ADGRL2: variants seen among roughly 807,000 people sequenced by gnomAD.
ADGRL2 encodes adhesion G protein-coupled receptor L2.
A neutral mutation model predicts 157.4 loss-of-function variants in ADGRL2; 44 were observed. That is an observed-to-expected ratio of 0.28 (90% CI 0.22 to 0.36). The LOEUF is 0.36. Among genes scored for constraint, ADGRL2 ranks in the 10% least tolerant of loss-of-function variants. ADGRL2 has a pLI of 1.00. For missense variants in ADGRL2, 1,510 were observed against 1,768.9 expected (o/e 0.85, Z 2.63); for synonymous variants, 585 against 624.7 (o/e 0.94, Z 0.95).
intron 1 of ADGRL2, among the ~76,000 whole-genome samples, chr1:81,371,802 A>G (rs2076164836): frequency 6.6e-6 from 1 of 152,236 alleles, no homozygotes; most frequent in South Asian, 2.1e-4. Flanking sequence ...CCATTCATTC[A>G]TTATTCAATA....
intron 2 of ADGRL2, among the ~76,000 whole-genome samples, chr1:81,869,992 G>A (rs932757682): frequency 6.6e-6 from 1 of 151,660 alleles, no homozygotes; most frequent in African/African-American, 2.4e-5. Context: ...TTAAAAAGTA[G>A]GAAATGCACA....
At chr1:81,594,977 C>T (rs561761558) in intron 3 of ADGRL2, among the ~76,000 whole-genome samples, 2 of 152,298 alleles carry the variant, frequency 1.3e-5, no homozygotes, top group African/African-American at 4.8e-5. Flanking sequence ...AATCACCAAA[C>T]ACTTATTGAG....
At chr1:81,710,118 C>G (rs2083874603) in intron 1 of ADGRL2, among the ~76,000 whole-genome samples, 1 of 152,054 alleles carries the variant, frequency 6.6e-6, no homozygotes, top group African/African-American at 2.4e-5. Flanking sequence ...TATTGCATAT[C>G]AAGATATTTT....
chr1:81,622,068 A>G (rs2081803837), intron 3 of ADGRL2, among the ~76,000 whole-genome samples: 1 of 152,216 alleles, frequency 6.6e-6, no homozygotes, highest in Admixed American at 6.5e-5. Context: ...TAGAGGAATA[A>G]AACTGTGGAT....
At chr1:81,385,047 G>A (rs1040132121) in intron 1 of ADGRL2, among the ~76,000 whole-genome samples, 49 of 152,076 alleles carry the variant, frequency 3.2e-4, no homozygotes, top group African/African-American at 1.1e-3. Flanking sequence ...TACATACGTT[G>A]CCTGTACTCA....
chr1:81,485,759 A>C (rs989533707), intron 2 of ADGRL2, among the ~76,000 whole-genome samples: 3 of 152,152 alleles, frequency 2.0e-5, no homozygotes, highest in Non-Finnish European at 4.4e-5. Flanking sequence ...ACATTTAGAA[A>C]AGAGAGAGCC....
At chr1:81,769,840 A>G (rs923638742) in intron 2 of ADGRL2, among the ~76,000 whole-genome samples, 46 of 151,832 alleles carry the variant, frequency 3.0e-4, no homozygotes, top group African/African-American at 1.1e-3. Context: ...TTAGATTTTC[A>G]GTAATGTTTT....
chr1:81,991,050 A>G lies in ADGRL2; in HGVS notation c.4315A>G (p.Asn1439Asp). Reference sequence around the variant, plus strand: ...GATGTGCTACCAGATCAGCAGGGGCAATAGTGATGGTTATATAATCCCCAT... The same window carrying G: ...GATGTGCTACCAGATCAGCAGGGGCGATAGTGATGGTTATATAATCCCCAT... ...LQMCYQISRG[N>D]SDGYIIPINK... is the part of the protein sequence containing the mutation. Residue 1439 changes from asparagine (N) to aspartate (D), a missense_variant, in exon 24 of 24, where the codon AAT (asparagine) becomes GAT (aspartate). Transcript: ENST00000686636. The G allele has an allele frequency of 6.2e-7, 1 of 1,613,928 alleles. No individual in the cohort carries two copies. The highest frequency in any genetic ancestry group is 8.5e-7 in the Non-Finnish European group (1 of 1,179,968).
chr1:81,795,344 C>T (rs957438410), intron 2 of ADGRL2, among the ~76,000 whole-genome samples: 1 of 152,120 alleles, frequency 6.6e-6, no homozygotes, highest in African/African-American at 2.4e-5. Context: ...TGTGCTACTA[C>T]ACTCCAGCCC....
chr1:81,841,536 C>T (rs960832994), intron 2 of ADGRL2, among the ~76,000 whole-genome samples: 5 of 152,176 alleles, frequency 3.3e-5, no homozygotes, highest in Admixed American at 2.6e-4. Flanking sequence ...TAACTTTATT[C>T]TCCAAGGTTA....
intron 11 of ADGRL2, among the ~76,000 whole-genome samples, chr1:81,959,655 A>T (rs762416789): frequency 2.8e-4 from 42 of 152,184 alleles, no homozygotes; most frequent in Non-Finnish European, 4.9e-4. Flanking sequence ...TCTTTAAAAA[A>T]CCACAATACC....
At chr1:81,413,787 TCA>T (rs1295931599) in intron 1 of ADGRL2, among the ~76,000 whole-genome samples, 1 of 152,226 alleles carries the variant, frequency 6.6e-6, no homozygotes, top group Admixed American at 6.5e-5. Flanking sequence ...TAATTGTTTT[TCA>T]CAGTGGTATG....
At chr1:81,870,276 A>G (rs2093659040) in intron 2 of ADGRL2, among the ~76,000 whole-genome samples, 1 of 152,032 alleles carries the variant, frequency 6.6e-6, no homozygotes, top group Admixed American at 6.6e-5. Flanking sequence ...TCTAAATTTT[A>G]TTTCCCACAT....
At chr1:81,958,122 T>TGG (rs112258299) in intron 11 of ADGRL2, among the ~76,000 whole-genome samples, 4 of 151,754 alleles carry the variant, frequency 2.6e-5, no homozygotes, top group African/African-American at 7.3e-5. Context: ...CCAGGCGTGG[T>TGG]GGGGGGTGCC....
chr1:81,855,661 G>A (rs1271811714), intron 2 of ADGRL2, among the ~76,000 whole-genome samples: 2 of 151,950 alleles, frequency 1.3e-5, no homozygotes, highest in African/African-American at 4.8e-5. Flanking sequence ...AGAAAAGTCG[G>A]ACATTGGATT....
chr1:81,315,859 T>C (rs923251093), intron 1 of ADGRL2, among the ~76,000 whole-genome samples: 1 of 152,208 alleles, frequency 6.6e-6, no homozygotes. Flanking sequence ...AAACAAATGC[T>C]AAGTTGCAGT....
intron 1 of ADGRL2, chr1:81,722,023 T>C (rs926829232): frequency 8.8e-6 from 4 of 453,838 alleles, no homozygotes; most frequent in African/African-American, 8.0e-5. Context: ...CCAGGCGCGG[T>C]GACTCACGCC....
intron 1 of ADGRL2, among the ~76,000 whole-genome samples, chr1:81,754,676 T>TCCTCCCTTCCTC (rs750489956): frequency 7.1e-6 from 1 of 140,414 alleles, no homozygotes; most frequent in African/African-American, 3.0e-5. Flanking sequence ...CTTCCTCCTT[T>TCCTCCCTTCCTC]CCTCCCTTCC....
At chr1:81,393,153 TC>T (rs111524688) in intron 1 of ADGRL2, among the ~76,000 whole-genome samples, 15 of 152,142 alleles carry the variant, frequency 9.9e-5, no homozygotes, top group African/African-American at 3.6e-4. Flanking sequence ...TATAACTAGT[TC>T]CCTACTCTCT....
Sources: allele counts gnomAD v4.1 joint callset (sites outside exome capture counted in the v4.1 genomes callset), GRCh38; gene constraint gnomAD v4.1.1; transcripts MANE v1.5; gene names NCBI Gene and HGNC (gene_info 2026-07-23, HGNC 2026-07-21).